The following SYN3 variants were observed in gnomAD, a reference collection of about 807,000 sequenced individuals.
The protein encoded by SYN3 is synapsin-3.
In SYN3, 35 loss-of-function variants were observed where a neutral mutation model predicts 65.8. The observed-to-expected ratio is 0.53, with a 90% CI of 0.41 to 0.70. The LOEUF (loss-of-function observed/expected upper bound fraction) is 0.70. Ranked by LOEUF, SYN3 falls within the 30% of genes least tolerant of loss-of-function variation. SYN3 has a pLI of 0.00. For missense variants in SYN3, 680 were observed against 749.0 expected (o/e 0.91, Z 1.08); for synonymous variants, 270 against 292.9 (o/e 0.92, Z 0.80).
At position 33,028,612 on chromosome 22, in the gene SYN3, C is replaced by T. The variant is rs1308450538; in HGVS notation, c.-162-21788G>A. Reference sequence around the variant, plus strand: ...ATTAAGCAGCAAGGAGGGGCTGGCACAGCCCACTAGGAAGTATAATAAGAA... The same window carrying T: ...ATTAAGCAGCAAGGAGGGGCTGGCATAGCCCACTAGGAAGTATAATAAGAA... On this transcript the variant is annotated intron_variant, in intron 1 of 13. Transcript: ENST00000358763. 4.4e-5 allele frequency among the ~76,000 whole-genome samples: 6 copies of T among 135,842 alleles called. No homozygotes were observed. In the Admixed American group the frequency reaches 5.3e-4, roughly 12 times the overall value. The allele number at this position is 135,842 out of a possible 152,430, so 89.1% of individuals were successfully genotyped here. A position where few individuals can be genotyped will look rare whatever the true frequency, so the allele number is the denominator to read the frequency against.
At chr22:32,543,096 T>C (rs2058284617) in intron 7 of SYN3, among the ~76,000 whole-genome samples, 1 of 152,066 alleles carries the variant, frequency 6.6e-6, no homozygotes, top group Non-Finnish European at 1.5e-5. Context: ...TCTCAGCCCT[T>C]TTCTGCCTGC....
intron 6 of SYN3, among the ~76,000 whole-genome samples, chr22:32,737,317 C>CT (rs559615174): frequency 1.6e-4 from 24 of 149,468 alleles, no homozygotes; most frequent in African/African-American, 2.2e-4. Context: ...CTTTTCTTTT[C>CT]TTTTTTTTTT....
intron 7 of SYN3, 22 bp from the exon 8 acceptor site, chr22:32,541,735 A>G (rs2058258934): frequency 6.2e-7 from 1 of 1,606,108 alleles, no homozygotes; most frequent in Non-Finnish European, 8.5e-7. Flanking sequence ...GATGAGGGGG[A>G]TGAGTGCCAC....
At chr22:32,849,936 T>C (rs1186843963) in intron 6 of SYN3, among the ~76,000 whole-genome samples, 1 of 151,926 alleles carries the variant, frequency 6.6e-6, no homozygotes, top group Admixed American at 6.6e-5. Context: ...TCTGACTATC[T>C]GGGACTCAAC....
intron 7 of SYN3, among the ~76,000 whole-genome samples, chr22:32,568,457 G>T (rs1347252192): frequency 1.3e-5 from 2 of 152,180 alleles, no homozygotes; most frequent in East Asian, 1.9e-4. Context: ...GTCCATTGGG[G>T]TTGCTCTAAC....
chr22:32,941,864 C>G (rs1343365506), intron 3 of SYN3, among the ~76,000 whole-genome samples: 1 of 152,210 alleles, frequency 6.6e-6, no homozygotes, highest in Non-Finnish European at 1.5e-5. Flanking sequence ...GCTCGGCAGT[C>G]TGAGATCTAA....
intron 3 of SYN3, among the ~76,000 whole-genome samples, chr22:32,955,956 A>G (rs1196802590): frequency 4.6e-5 from 7 of 151,556 alleles, no homozygotes; most frequent in Non-Finnish European, 1.0e-4. Context: ...TTTGGGACTC[A>G]GACTGGCTTA....
intron 7 of SYN3, among the ~76,000 whole-genome samples, chr22:32,572,464 CT>C (rs2058788460): frequency 8.9e-6 from 1 of 112,176 alleles, no homozygotes; most frequent in Non-Finnish European, 1.9e-5. Context: ...CCCTTCCTTC[CT>C]TCTTTCTCCT....
At chr22:32,958,043 C>T (rs2146867846) in intron 3 of SYN3, among the ~76,000 whole-genome samples, 1 of 152,328 alleles carries the variant, frequency 6.6e-6, no homozygotes, top group South Asian at 2.1e-4. Flanking sequence ...TCTGTCTGTC[C>T]ATATTCTGAG....
chr22:32,696,421 A>G (rs568691480), intron 6 of SYN3, among the ~76,000 whole-genome samples: 55 of 152,372 alleles, frequency 3.6e-4, no homozygotes, highest in African/African-American at 1.3e-3. Context: ...TGAGCAGTTA[A>G]TCATCTTAGC....
chr22:33,038,189 A>C (rs1031441534), intron 1 of SYN3, among the ~76,000 whole-genome samples: 3 of 152,204 alleles, frequency 2.0e-5, no homozygotes, highest in African/African-American at 4.8e-5. Flanking sequence ...AAACAGCAGT[A>C]ATGCCCCCTT....
intron 6 of SYN3, among the ~76,000 whole-genome samples, chr22:32,744,710 T>C (rs1476877862): frequency 6.6e-6 from 1 of 152,024 alleles, no homozygotes; most frequent in East Asian, 1.9e-4. Context: ...ACTGTGTCGG[T>C]AAGGAGACAG....
rs5754382 is a variant in SYN3, at chr22:33,021,529, T to C, written c.-162-14705A>G. On this transcript the variant is annotated intron_variant, in intron 1 of 13. Transcript: ENST00000358763. ...TTCAAGGCCTGGCACATTTCTTAGA[T>C]AACAAAGAAAGAAGATGAATTCCAG... Among the ~76,000 whole-genome samples the C allele has an allele frequency of 2.7e-3, 415 of 152,300 alleles. 10 individuals carry two copies. In the East Asian group the frequency reaches 0.072, roughly 26 times the overall value.
At chr22:32,963,046 T>C (rs961981804) in intron 3 of SYN3, among the ~76,000 whole-genome samples, 7 of 150,580 alleles carry the variant, frequency 4.6e-5, no homozygotes, top group African/African-American at 1.2e-4. Context: ...GCTTAAGATA[T>C]TATTATTGTC....
intron 6 of SYN3, among the ~76,000 whole-genome samples, chr22:32,738,065 G>C (rs930424103): frequency 6.6e-6 from 1 of 152,056 alleles, no homozygotes. Context: ...GTAGTAATAC[G>C]GTCATCATAA....
chr22:33,030,043 G>A (rs919997720), intron 1 of SYN3, among the ~76,000 whole-genome samples: 1 of 152,166 alleles, frequency 6.6e-6, no homozygotes, highest in African/African-American at 2.4e-5. Context: ...CTTCCCTGAC[G>A]TGAGGTGGTC....
intron 6 of SYN3, among the ~76,000 whole-genome samples, chr22:32,809,335 C>A (rs1201555891): frequency 6.6e-6 from 1 of 152,240 alleles, no homozygotes; most frequent in Non-Finnish European, 1.5e-5. Context: ...CCACATGAGT[C>A]TTTGGCTCCC....
intron 4 of SYN3, 150 bp downstream of exon 4, chr22:32,931,240 A>G: frequency 1.6e-6 from 1 of 611,158 alleles, no homozygotes; most frequent in Non-Finnish European, 3.0e-6. Context: ...GGTCATTACT[A>G]CTGCAACCAC....
intron 6 of SYN3, among the ~76,000 whole-genome samples, chr22:32,622,460 C>T (rs528126762): frequency 1.1e-3 from 161 of 152,240 alleles, no homozygotes; most frequent in African/African-American, 3.6e-3. Context: ...GATTTGGGAC[C>T]TGGGTCTTGA....
Sources: gnomAD v4.1 joint callset for allele counts (sites outside exome capture counted in the v4.1 genomes callset) on GRCh38, gnomAD v4.1.1 for gene constraint, MANE v1.5 for transcripts, NCBI Gene and HGNC (gene_info 2026-07-23, HGNC 2026-07-21) for gene names.